HERC3: variants seen among roughly 807,000 people sequenced by gnomAD.
HERC3 encodes the protein probable E3 ubiquitin-protein ligase HERC3.
HERC3 carries 58 observed loss-of-function variants against 129.9 expected under a neutral mutation model. The observed-to-expected ratio is 0.45, with a 90% CI of 0.36 to 0.56. The LOEUF (loss-of-function observed/expected upper bound fraction) is 0.56, where lower values mean the gene tolerates loss of function less well. Among genes scored for constraint, HERC3 ranks in the 20% least tolerant of loss-of-function variants. The pLI is 0.00. For synonymous variants in HERC3, 430 were observed against 451.0 expected (o/e 0.95, Z 0.59); for missense variants, 835 against 1,244.2 (o/e 0.67, Z 4.95).
At chr4:88,604,279 A>C (rs1054014143) in intron 2 of HERC3, among the ~76,000 whole-genome samples, 1 of 152,234 alleles carries the variant, frequency 6.6e-6, no homozygotes, top group African/African-American at 2.4e-5. Flanking sequence ...TTGACCTCCC[A>C]AAGTGCTGGG....
Position 88,673,467 on chromosome 4 carries a change from G to T in HERC3, c.1912-2751G>T, listed in dbSNP as rs113217603. 2.4e-3 allele frequency among the ~76,000 whole-genome samples: 363 copies of T among 152,222 alleles called. 2 individuals are homozygous for T. Among genetic ancestry groups the T allele is most frequent in the African/African-American group, 8.4e-3 (347 of 41,542 alleles). On this transcript the variant is annotated intron_variant, in intron 16 of 25. Transcript: ENST00000402738. ...TCTATTTCATATACTTTAAAAATGAGCTTAGGTCACAGTGCAGCCCCGTTT... is the reference window on the plus strand; with the variant it reads ...TCTATTTCATATACTTTAAAAATGATCTTAGGTCACAGTGCAGCCCCGTTT...
the HERC3 span, among the ~76,000 whole-genome samples, chr4:88,540,371 A>G: frequency 2.9e-4 from 44 of 152,358 alleles, no homozygotes; most frequent in African/African-American, 1.0e-3. Context: ...AATTAATGAA[A>G]TAAAGTGAGA....
intron 3 of HERC3, among the ~76,000 whole-genome samples, chr4:88,627,456 T>C (rs1726228262): frequency 6.6e-6 from 1 of 152,202 alleles, no homozygotes; most frequent in Non-Finnish European, 1.5e-5. Flanking sequence ...AGGATGTGTG[T>C]AGGTTATATG....
At chr4:88,686,677 AAC>A in intron 21 of HERC3, 57 bp from the exon 22 acceptor site, 2 of 1,066,174 alleles carry the variant, frequency 1.9e-6, no homozygotes, top group Non-Finnish European at 2.9e-6. Context: ...CTGAAGTAGA[AAC>A]ACTGTTGCAG....
the HERC3 span, among the ~76,000 whole-genome samples, chr4:88,540,911 C>G: frequency 6.6e-6 from 1 of 152,152 alleles, no homozygotes; most frequent in African/African-American, 2.4e-5. Flanking sequence ...TTGTCCCCAC[C>G]AGGCCTGCCT....
intron 3 of HERC3, among the ~76,000 whole-genome samples, chr4:88,610,685 A>G (rs1724215776): frequency 2.6e-5 from 4 of 152,148 alleles, no homozygotes; most frequent in African/African-American, 9.7e-5. Flanking sequence ...GCCTCAGTGC[A>G]CACCTTGGTC....
At chr4:88,703,329 T>A (rs1735491683) in intron 23 of HERC3, among the ~76,000 whole-genome samples, 1 of 152,160 alleles carries the variant, frequency 6.6e-6, no homozygotes. Context: ...AGTGGCTGAC[T>A]CTCTTGCTAT....
chr4:88,524,070 A>AC, the HERC3 span: 1 of 296,068 alleles, frequency 3.4e-6, no homozygotes, highest in Non-Finnish European at 6.2e-6. Context: ...TTAGGCTTGG[A>AC]CCTACGTGGT....
At chr4:88,652,269 G>A (rs1040934792) in intron 5 of HERC3, among the ~76,000 whole-genome samples, 181 bp downstream of exon 5, 4 of 152,196 alleles carry the variant, frequency 2.6e-5, no homozygotes, top group Admixed American at 2.6e-4. Context: ...CTCAGGGTGT[G>A]GGTGATGAAG....
rs1193811766 is a variant in HERC3, at chr4:88,653,051, A to G, written c.646A>G (p.Met216Val). The change falls in exon 6 of 26, where the codon ATG (methionine) becomes GTG (valine). Residue 216 changes from methionine to valine, a missense_variant. Physicochemically the swap from Met to Val is conservative, Grantham distance 21. Transcript: ENST00000402738. ...CTCAGGAGCTGTTTTTGGCTGGGGG[A>G]TGAATAATGCCGGGCAGCTAGGGCT... ...SLSGAVFGWG[M>V]NNAGQLGLSD... 1.9e-6 allele frequency: 3 copies of G among 1,614,136 alleles called. No individual in the cohort carries two copies. The highest frequency in any genetic ancestry group is 2.5e-6 in the Non-Finnish European group (3 of 1,180,020).
chr4:88,675,541 T>A (rs752630869), intron 16 of HERC3, among the ~76,000 whole-genome samples: 8 of 152,174 alleles, frequency 5.3e-5, no homozygotes, highest in Non-Finnish European at 1.2e-4. Context: ...AATATTAAGT[T>A]AATGTTTGTT....
chr4:88,700,711 G>T (rs567757440), intron 23 of HERC3, among the ~76,000 whole-genome samples: 8 of 152,082 alleles, frequency 5.3e-5, no homozygotes, highest in Non-Finnish European at 7.4e-5. Context: ...GGGGGTGGGG[G>T]CAAGGAGGGA....
chr4:88,587,981 A>G (rs1184524412), upstream of HERC3, among the ~76,000 whole-genome samples: 1 of 152,262 alleles, frequency 6.6e-6, no homozygotes, highest in African/African-American at 2.4e-5. Context: ...TAAAGGCTTT[A>G]TTGGATGAAA....
chr4:88,596,360 T>C (rs949148882), intron 2 of HERC3, among the ~76,000 whole-genome samples: 2 of 152,210 alleles, frequency 1.3e-5, no homozygotes, highest in Admixed American at 1.3e-4. Flanking sequence ...TGTGTTTCTG[T>C]GTAAGTGAAC....
At chr4:88,596,651 T>A (rs1271866827) in intron 2 of HERC3, among the ~76,000 whole-genome samples, 2 of 152,244 alleles carry the variant, frequency 1.3e-5, no homozygotes, top group African/African-American at 4.8e-5. Flanking sequence ...GCGCTTTGCA[T>A]TTTTGTTTGT....
chr4:88,562,954 C>A, the HERC3 span, among the ~76,000 whole-genome samples: 1 of 152,094 alleles, frequency 6.6e-6, no homozygotes, highest in Non-Finnish European at 1.5e-5. Context: ...AGTTTTGTTT[C>A]TTTTCCTTGG....
At position 88,690,351 on chromosome 4, in the gene HERC3, C is replaced by T. The variant is rs544361200; in HGVS notation, c.2657+3052C>T. 32 of 985,366 alleles carry T rather than the reference C, an allele frequency of 3.2e-5. No individual in the cohort carries two copies. The African/African-American group carries it at 5.4e-4, about 17-fold the overall frequency. 61.0% of individuals were successfully genotyped at this position (985,366 alleles called of 1,614,324 possible). A position where few individuals can be genotyped will look rare whatever the true frequency, so the allele number is the denominator to read the frequency against. ...TTTGTTAGCCCAGCTGATTTCCCTT[C>T]CCTCCTGGTTTTGGGGATTGCTTTA... On this transcript the variant is annotated intron_variant, in intron 23 of 25. Coordinates refer to ENST00000402738, the MANE Select transcript of HERC3 (RefSeq NM_014606.3).
intron 23 of HERC3, among the ~76,000 whole-genome samples, chr4:88,687,822 T>A (rs1437871059): frequency 6.6e-6 from 1 of 152,220 alleles, no homozygotes; most frequent in South Asian, 2.1e-4. Context: ...AGAGTCTGGA[T>A]CATAACAACA....
chr4:88,561,366 TA>T, the HERC3 span, among the ~76,000 whole-genome samples: 4 of 152,112 alleles, frequency 2.6e-5, no homozygotes, highest in African/African-American at 4.8e-5. Flanking sequence ...TTATTTAATT[TA>T]AAAAAATTTT....
Sources: gnomAD v4.1 joint callset for allele counts (sites outside exome capture counted in the v4.1 genomes callset) on GRCh38, gnomAD v4.1.1 for gene constraint, MANE v1.5 for transcripts, NCBI Gene and HGNC (gene_info 2026-07-23, HGNC 2026-07-21) for gene names.